PCDH15: variants seen among roughly 807,000 people sequenced by gnomAD.
PCDH15 encodes the protein protocadherin related 15, also known as protocadherin-15.
In PCDH15, 129 loss-of-function variants were observed where a neutral mutation model predicts 178.5. That is an observed-to-expected ratio of 0.72 (90% CI 0.63 to 0.84). PCDH15 has a LOEUF of 0.84. Ranked by LOEUF, PCDH15 falls within the 40% of genes least tolerant of loss-of-function variation. The pLI is 0.00. For synonymous variants in PCDH15, 800 were observed against 732.0 expected (o/e 1.09, Z -1.50); for missense variants, 2,230 against 2,099.9 (o/e 1.06, Z -1.21).
At chr10:54,246,431 T>A (rs1380019637) in intron 8 of PCDH15, among the ~76,000 whole-genome samples, 1 of 151,936 alleles carries the variant, frequency 6.6e-6, no homozygotes, top group Non-Finnish European at 1.5e-5. Context: ...AAACCTTTTA[T>A]ATATGGCTTT....
At chr10:54,589,229 T>C (rs1182326371) in intron 2 of PCDH15, among the ~76,000 whole-genome samples, 1 of 152,220 alleles carries the variant, frequency 6.6e-6, no homozygotes, top group Non-Finnish European at 1.5e-5. Context: ...TCATTTATTG[T>C]ACTCTAGTTG....
At chr10:55,192,493 C>CT (rs895896817) in intron 1 of PCDH15, among the ~76,000 whole-genome samples, 42 of 150,766 alleles carry the variant, frequency 2.8e-4, no homozygotes, top group African/African-American at 5.8e-4. Flanking sequence ...TGGGTCACTT[C>CT]TTTTTTTTTA....
intron 2 of PCDH15, among the ~76,000 whole-genome samples, chr10:55,404,989 G>T (rs1291935864): frequency 6.6e-6 from 1 of 151,592 alleles, no homozygotes; most frequent in Non-Finnish European, 1.5e-5. Context: ...CCTTTAGAAA[G>T]TGGTACTTAA....
At chr10:54,338,641 C>T (rs563404393) in intron 6 of PCDH15, among the ~76,000 whole-genome samples, 58 of 152,266 alleles carry the variant, frequency 3.8e-4, no homozygotes, top group African/African-American at 1.4e-3. Context: ...GATGTTACCA[C>T]CCACTGAAAC....
intron 26 of PCDH15, among the ~76,000 whole-genome samples, chr10:53,898,680 C>T (rs545574280): frequency 6.6e-6 from 1 of 152,206 alleles, no homozygotes; most frequent in African/African-American, 2.4e-5. Context: ...ATATCTTTGT[C>T]CTAGAAAATC....
chr10:54,169,462 A>C, intron 13 of PCDH15, among the ~76,000 whole-genome samples: 1 of 136,868 alleles, frequency 7.3e-6, no homozygotes, highest in African/African-American at 2.7e-5. Context: ...CTTAGACCAT[A>C]CTCTTTTAAG....
chr10:55,327,654 T>C (rs542468985), intron 2 of PCDH15, among the ~76,000 whole-genome samples: 1 of 152,216 alleles, frequency 6.6e-6, no homozygotes, highest in South Asian at 2.1e-4. Context: ...GTCTGATATA[T>C]TTAAATACTG....
chr10:55,072,726 G>A (rs1363586441), intron 2 of PCDH15, among the ~76,000 whole-genome samples: 1 of 151,880 alleles, frequency 6.6e-6, no homozygotes, highest in East Asian at 1.9e-4. Flanking sequence ...GAAAAAGAGG[G>A]AATCCTCCCT....
chr10:54,054,441 T>A (rs370344991), intron 18 of PCDH15, among the ~76,000 whole-genome samples: 4 of 152,122 alleles, frequency 2.6e-5, no homozygotes, highest in African/African-American at 9.6e-5. Context: ...CCTATAGCAA[T>A]AGAGCAGTAA....
intron 2 of PCDH15, among the ~76,000 whole-genome samples, chr10:54,956,135 G>T (rs1340886629): frequency 6.6e-6 from 1 of 151,270 alleles, no homozygotes; most frequent in Non-Finnish European, 1.5e-5. Flanking sequence ...CTCAGTGCCA[G>T]TATTGATTGA....
At chr10:53,820,452 G>A (rs2076218618) in intron 32 of PCDH15, among the ~76,000 whole-genome samples, 2 of 151,974 alleles carry the variant, frequency 1.3e-5, no homozygotes, top group Middle Eastern at 3.4e-3. Context: ...CATTGAAGGG[G>A]GCTCTCAACT....
At chr10:54,440,436 C>T (rs1264811928) in intron 3 of PCDH15, among the ~76,000 whole-genome samples, 1 of 151,876 alleles carries the variant, frequency 6.6e-6, no homozygotes, top group African/African-American at 2.4e-5. Flanking sequence ...TAATAAATTA[C>T]ATATGAAAAT....
chr10:54,904,522 A>T (rs980616011), intron 2 of PCDH15, among the ~76,000 whole-genome samples: 1 of 152,100 alleles, frequency 6.6e-6, no homozygotes, highest in Non-Finnish European at 1.5e-5. Flanking sequence ...ATGACAAAAT[A>T]CTTTCATAAC....
At chr10:55,434,797 G>C (rs1037636903) in intron 2 of PCDH15, among the ~76,000 whole-genome samples, 2 of 151,868 alleles carry the variant, frequency 1.3e-5, no homozygotes, top group African/African-American at 4.8e-5. Flanking sequence ...GTAGAGACAG[G>C]GTTTCACCAT....
At position 53,822,054 on chromosome 10, in the gene PCDH15, TCTG is replaced by T. The variant is rs771643291; in HGVS notation, c.4368-1827_4368-1825del. The stretch of plus-strand genomic sequence containing the variant: ...CATGTTAGCTACTGATTTTTCAAGT[TCTG>T]CTAAGTTTTTAACGTGTCTGAGGAT... On this transcript the variant is annotated intron_variant, in intron 32 of 37. Transcript: ENST00000644397. The T allele has an allele frequency of 1.4e-5, 22 of 1,613,994 alleles. No homozygotes were observed. Among genetic ancestry groups the T allele is most frequent in the Non-Finnish European group, 1.2e-5 (14 of 1,179,964 alleles).
intron 5 of PCDH15, among the ~76,000 whole-genome samples, chr10:54,363,623 A>C (rs573714239): frequency 1.6e-4 from 24 of 152,296 alleles, no homozygotes; most frequent in Non-Finnish European, 2.9e-4. Context: ...GGGTATATTC[A>C]ACAGAGTAGA....
At chr10:54,456,479 G>A (rs1450261528) in intron 3 of PCDH15, among the ~76,000 whole-genome samples, 2 of 152,278 alleles carry the variant, frequency 1.3e-5, no homozygotes, top group East Asian at 1.9e-4. Flanking sequence ...ACCAATGACT[G>A]TATCCCCATT....
intron 11 of PCDH15, among the ~76,000 whole-genome samples, chr10:54,187,240 T>G (rs1032368550): frequency 6.6e-6 from 1 of 151,974 alleles, no homozygotes; most frequent in African/African-American, 2.4e-5. Context: ...CTTTATACCT[T>G]AATTCTCTCA....
chr10:55,228,353 CA>C (rs375606108), intron 1 of PCDH15, among the ~76,000 whole-genome samples: 2,840 of 147,014 alleles, frequency 0.019, 53 homozygotes, highest in South Asian at 0.041. Flanking sequence ...CTAGGAAGAT[CA>C]AAAAAAAAAT....
Sources: allele counts gnomAD v4.1 joint callset (sites outside exome capture counted in the v4.1 genomes callset), GRCh38; gene constraint gnomAD v4.1.1; transcripts MANE v1.5; gene names NCBI Gene and HGNC (gene_info 2026-07-23, HGNC 2026-07-21).